The following SPINK5 variants were observed in gnomAD, a reference collection of about 807,000 sequenced individuals.
SPINK5 encodes the protein serine protease inhibitor Kazal-type 5.
Under a neutral mutation model 151.8 loss-of-function variants are expected in SPINK5, and 125 were observed. That is an observed-to-expected ratio of 0.82 (90% CI 0.71 to 0.96). The LOEUF (loss-of-function observed/expected upper bound fraction) is 0.96, where lower values mean the gene tolerates loss of function less well. SPINK5 is among the 40% of genes least tolerant of loss of function. The pLI is 0.00. For missense variants in SPINK5, 1,194 were observed against 1,291.9 expected (o/e 0.92, Z 1.16); for synonymous variants, 374 against 395.3 (o/e 0.95, Z 0.64).
chr5:148,107,264 T>C (rs545587604), intron 17 of SPINK5, 100 bp downstream of exon 17: 2 of 1,538,384 alleles, frequency 1.3e-6, no homozygotes, highest in East Asian at 2.4e-5. Flanking sequence ...CCGTGAGTTA[T>C]ATATTAGAAA....
At chr5:148,127,274 C>T (rs918581360) in intron 30 of SPINK5, among the ~76,000 whole-genome samples, 195 bp downstream of exon 30, 2 of 152,028 alleles carry the variant, frequency 1.3e-5, no homozygotes, top group Admixed American at 1.3e-4. Context: ...TATCCTGTGC[C>T]CTTTGAGATT....
rs1444662396 is a variant in SPINK5, at chr5:148,072,174, G to A, written c.236G>A (p.Arg79Lys). 2 of 1,612,236 alleles carry A rather than the reference G, an allele frequency of 1.2e-6. No individual in the cohort carries two copies. The highest frequency in any genetic ancestry group is 8.5e-7 in the Non-Finnish European group (1 of 1,178,814). Residue 79 changes from arginine to lysine, a missense_variant, in exon 4 of 33, where the codon AGG (arginine) becomes AAG (lysine). Physicochemically the swap from Arg to Lys is conservative, Grantham distance 26 (BLOSUM62 2). Transcript: ENST00000256084. ...ILEKEAKSQK[R>K]ARHLARAPKA... ...GAAAAAGAAGCAAAATCACAGAAGAGGGCCAGGCATTTAGCAAGAGCTCCC... is the reference window on the plus strand; with the variant it reads ...GAAAAAGAAGCAAAATCACAGAAGAAGGCCAGGCATTTAGCAAGAGCTCCC...
At chr5:148,109,868 TG>T (rs1251260463) in intron 18 of SPINK5, among the ~76,000 whole-genome samples, 1 of 152,196 alleles carries the variant, frequency 6.6e-6, no homozygotes, top group Non-Finnish European at 1.5e-5. Flanking sequence ...TTGTAGTGTC[TG>T]GAAGTGCCAT....
In SPINK5 at chr5:148,118,563, T is replaced by C. The variant is rs759451448; in HGVS notation, c.2239T>C (p.Leu747=). 6.4e-5 allele frequency: 103 copies of C among 1,613,922 alleles called. No homozygotes were observed. Among genetic ancestry groups the C allele is most frequent in the Non-Finnish European group, 7.9e-5 (93 of 1,180,002 alleles). ...TCAGTGTACCATGTGTAAAGCAAAA[T>C]TGTAAGTATTTCTCTCAACAGGCAT... ...NNQCTMCKAK[L]EREAERKNEY... The change falls in exon 23 of 33, where the codon TTG becomes CTG. Residue 747 remains leucine, a splice_region_variant and synonymous_variant. Transcript: ENST00000256084.
chr5:148,088,591 A>T lies in SPINK5; in HGVS notation c.460A>T (p.Ser154Cys). Residue 154 changes from serine to cysteine, a missense_variant, in exon 6 of 33, where the codon AGT (serine) becomes TGT (cysteine). Physicochemically the swap from Ser to Cys is moderately radical, Grantham distance 112. Coordinates refer to ENST00000256084, the MANE Select transcript of SPINK5 (RefSeq NM_006846.4). Reference sequence around the variant, plus strand: ...AAAAAGTGAAGGGGAATGTAAGAGCAGTAATCCAGAGCAGGTGAGGTCAAT... The same window carrying T: ...AAAAAGTGAAGGGGAATGTAAGAGCTGTAATCCAGAGCAGGTGAGGTCAAT... ...GVKSEGECKS[S>C]NPEQDVCSAF... 6.2e-7 allele frequency: 1 copy of T among 1,611,718 alleles called. No homozygotes were observed.
chr5:148,121,147 A>G (rs1395578927), intron 26 of SPINK5, among the ~76,000 whole-genome samples: 3 of 149,216 alleles, frequency 2.0e-5, no homozygotes, highest in South Asian at 2.1e-4. Context: ...CTGTCTCAAA[A>G]AAAAAAAAAA....
Position 148,101,407 on chromosome 5 carries a change from A to G in SPINK5, c.1273A>G (p.Arg425Gly), listed in dbSNP as rs758135366. 1 of 1,611,778 alleles carries G rather than the reference A, an allele frequency of 6.2e-7. No individual in the cohort carries two copies. The highest frequency in any genetic ancestry group is 1.1e-5 in the South Asian group (1 of 91,052). ...KKKEGKSRNK[R>G]QSKSTASFEE... ...GAAGGAAGGTAAATCAAGAAACAAA[A>G]GACAATCTAAGAGTACAGCTTCCTT... The change falls in exon 14 of 33, where the codon AGA becomes GGA. Residue 425 changes from arginine (R) to glycine (G), a missense_variant. Transcript: ENST00000256084.
chr5:148,089,701 A>C, intron 7 of SPINK5, 80 bp downstream of exon 7: 1 of 1,599,488 alleles, frequency 6.3e-7, no homozygotes, highest in Non-Finnish European at 8.6e-7. Flanking sequence ...AGAGAGATAA[A>C]ATCCTTTTCA....
In SPINK5 at chr5:148,064,065, A is replaced by T. The variant is rs1468320558; in HGVS notation, c.21A>T (p.Ser7=). Residue 7 remains serine, a synonymous_variant, in exon 1 of 33, where the codon TCA becomes TCT. Coordinates refer to ENST00000256084, the MANE Select transcript of SPINK5 (RefSeq NM_006846.4). ...TCAACATGAAGATAGCCACAGTGTC[A>T]GTGCTTCTGCCCTTGGCTCTTTGCC... is the stretch of plus-strand genomic sequence containing the variant. MKIATV[S]VLLPLALCLI... The T allele has an allele frequency of 2.5e-6, 4 of 1,614,062 alleles. No homozygotes were observed. Among genetic ancestry groups the T allele is most frequent in the Non-Finnish European group, 2.5e-6 (3 of 1,180,038 alleles).
chr5:148,105,487 A>G (rs1753756963), intron 16 of SPINK5, among the ~76,000 whole-genome samples: 1 of 152,156 alleles, frequency 6.6e-6, no homozygotes, highest in South Asian at 2.1e-4. Flanking sequence ...TGGGCCTCTG[A>G]CTTTCCAGTT....
intron 4 of SPINK5, among the ~76,000 whole-genome samples, chr5:148,073,485 G>T (rs1010319764): frequency 2.6e-5 from 4 of 151,770 alleles, no homozygotes; most frequent in Non-Finnish European, 4.4e-5. Flanking sequence ...GGGCCAGAAA[G>T]GTTTAGTGGC....
At chr5:148,094,233 T>C in intron 8 of SPINK5, 121 bp from the exon 9 acceptor site, 1 of 1,101,210 alleles carries the variant, frequency 9.1e-7, no homozygotes, top group Non-Finnish European at 1.3e-6. Context: ...GGTTAGAGGC[T>C]TCACTGAGCT....
At chr5:148,072,733 T>C (rs1752773906) in intron 4 of SPINK5, among the ~76,000 whole-genome samples, 2 of 151,790 alleles carry the variant, frequency 1.3e-5, no homozygotes, top group Admixed American at 6.6e-5. Context: ...CTTTTTCTTT[T>C]ACTCTTTTGC....
chr5:148,064,632 G>C (rs1346312183), intron 1 of SPINK5, among the ~76,000 whole-genome samples: 1 of 152,084 alleles, frequency 6.6e-6, no homozygotes, highest in Non-Finnish European at 1.5e-5. Flanking sequence ...GTGGGAGCTG[G>C]AAGGTAGATT....
At chr5:148,091,085 G>T in intron 7 of SPINK5, 80 bp from the exon 8 acceptor site, 1 of 1,197,234 alleles carries the variant, frequency 8.4e-7, no homozygotes, top group Non-Finnish European at 1.2e-6. Flanking sequence ...CAGAGGATAT[G>T]AAAGTGTTTA....
At chr5:148,105,050 T>G (rs778740911) in intron 16 of SPINK5, 50 bp downstream of exon 16, 3 of 1,557,504 alleles carry the variant, frequency 1.9e-6, no homozygotes, top group Non-Finnish European at 2.7e-6. Context: ...TTTCATTTCT[T>G]TATAATTCTT....
At chr5:148,109,281 T>G (rs17107747) in intron 18 of SPINK5, among the ~76,000 whole-genome samples, 22,238 of 152,022 alleles carry the variant, frequency 0.15, 2,151 homozygotes, top group East Asian at 0.32. Flanking sequence ...GTTTGCATTC[T>G]TTAACATCTC....
chr5:148,133,744 T>G, intron 31 of SPINK5, 53 bp from the exon 32 acceptor site: 1 of 1,574,914 alleles, frequency 6.3e-7, no homozygotes, highest in Non-Finnish European at 8.7e-7. Flanking sequence ...ATTTATTTTC[T>G]TATTATAACT....
chr5:148,125,833 C>G lies in SPINK5; in HGVS notation c.2850C>G (p.Tyr950Ter). The change falls in exon 29 of 33, where the codon TAC (tyrosine) becomes TAG (stop). Residue 950 changes from tyrosine to a stop codon, truncating the protein, a stop_gained. Coordinates refer to ENST00000256084, the MANE Select transcript of SPINK5 (RefSeq NM_006846.4). LOFTEE classifies it high-confidence loss of function. Reference protein sequence around the residue: ...ADGKFYTNKCYMCRAVFLTEA... With the variant: ...ADGKFYTNKC ...GAAAGTTCTATACAAACAAGTGCTA[C>G]ATGTGCAGAGCTGTCTTGTGAGTAA... 6.2e-7 allele frequency: 1 copy of G among 1,614,180 alleles called. No homozygotes were observed. The highest frequency in any genetic ancestry group is 8.5e-7 in the Non-Finnish European group (1 of 1,180,028).
Sources: gnomAD v4.1 joint callset for allele counts (sites outside exome capture counted in the v4.1 genomes callset) on GRCh38, gnomAD v4.1.1 for gene constraint, MANE v1.5 for transcripts, NCBI Gene and HGNC (gene_info 2026-07-23, HGNC 2026-07-21) for gene names.